The following CACNA1D variants were observed in gnomAD, a reference collection of about 807,000 sequenced individuals.
CACNA1D encodes calcium voltage-gated channel subunit alpha1 D.
Under a neutral mutation model 257.1 loss-of-function variants are expected in CACNA1D, and 55 were observed. The observed-to-expected ratio is 0.21, with a 90% confidence interval of 0.17 to 0.27. The LOEUF (loss-of-function observed/expected upper bound fraction) is 0.27, where lower values mean the gene tolerates loss of function less well. Among genes scored for constraint, CACNA1D ranks in the 10% least tolerant of loss-of-function variants. The pLI is 1.00. For missense variants in CACNA1D, 1,876 were observed against 2,784.0 expected (o/e 0.67, Z 7.34); for synonymous variants, 980 against 1,014.9 (o/e 0.97, Z 0.65).
intron 3 of CACNA1D, among the ~76,000 whole-genome samples, chr3:53,649,573 G>T (rs1298326410): frequency 6.6e-6 from 1 of 152,058 alleles, no homozygotes. Flanking sequence ...CCATAGTGGG[G>T]ACATTTTTCT....
chr3:53,684,579 C>T (rs964407768), intron 8 of CACNA1D, among the ~76,000 whole-genome samples: 3 of 143,498 alleles, frequency 2.1e-5, no homozygotes, highest in African/African-American at 5.3e-5. Flanking sequence ...GCTGAGGTCA[C>T]GCCACTGCAC....
intron 29 of CACNA1D, among the ~76,000 whole-genome samples, chr3:53,756,160 GAC>G (rs1437924113): frequency 6.6e-6 from 1 of 152,192 alleles, no homozygotes; most frequent in Non-Finnish European, 1.5e-5. Context: ...AGTGAGGTAA[GAC>G]AAAATTCTTA....
intron 5 of CACNA1D, among the ~76,000 whole-genome samples, chr3:53,663,377 A>G (rs1188359097): frequency 6.6e-6 from 1 of 152,194 alleles, no homozygotes; most frequent in Non-Finnish European, 1.5e-5. Context: ...GGAGAAGGTA[A>G]GAAGGAAAAG....
intron 3 of CACNA1D, among the ~76,000 whole-genome samples, chr3:53,605,709 C>T (rs568324067): frequency 2.0e-5 from 3 of 152,298 alleles, no homozygotes; most frequent in African/African-American, 4.8e-5. Context: ...AGAACTTTTA[C>T]GAATGTCCTG....
At chr3:53,746,680 C>G (rs969333497) in intron 25 of CACNA1D, among the ~76,000 whole-genome samples, 1 of 152,188 alleles carries the variant, frequency 6.6e-6, no homozygotes, top group Admixed American at 6.5e-5. Context: ...CATGGCGTCC[C>G]TGGAGGTGAG....
At chr3:53,657,797 G>T (rs1028160395) in intron 4 of CACNA1D, among the ~76,000 whole-genome samples, 4 of 152,138 alleles carry the variant, frequency 2.6e-5, no homozygotes, top group African/African-American at 9.7e-5. Context: ...TTCCAACAGT[G>T]ACCTATTGCT....
intron 14 of CACNA1D, among the ~76,000 whole-genome samples, 173 bp downstream of exon 14, chr3:53,724,172 C>G (rs1351187908): frequency 6.6e-6 from 1 of 152,176 alleles, no homozygotes; most frequent in Non-Finnish European, 1.5e-5. Flanking sequence ...CTGCATCATC[C>G]TCCAGCTGTC....
At chr3:53,639,613 C>T (rs1372116303) in intron 3 of CACNA1D, among the ~76,000 whole-genome samples, 1 of 152,120 alleles carries the variant, frequency 6.6e-6, no homozygotes, top group Non-Finnish European at 1.5e-5. Flanking sequence ...GCCTCCATCT[C>T]CTGACCTCAT....
intron 3 of CACNA1D, among the ~76,000 whole-genome samples, chr3:53,502,971 C>T (rs934101711): frequency 3.3e-5 from 5 of 152,086 alleles, no homozygotes; most frequent in Non-Finnish European, 7.4e-5. Context: ...CCTAACTGAG[C>T]GAGCGTTGTA....
At chr3:53,783,665 C>T (rs1163572692) in intron 39 of CACNA1D, among the ~76,000 whole-genome samples, 1 of 152,246 alleles carries the variant, frequency 6.6e-6, no homozygotes, top group African/African-American at 2.4e-5. Flanking sequence ...GTTCCGAAGG[C>T]AGTGGCCATC....
At chr3:53,791,020 C>T (rs1238365557) in intron 40 of CACNA1D, 3 of 702,096 alleles carry the variant, frequency 4.3e-6, no homozygotes, top group African/African-American at 1.7e-5. Context: ...GCCTGAGCTA[C>T]GGCACCAAGC....
intron 29 of CACNA1D, 97 bp downstream of exon 29, chr3:53,753,779 T>G: frequency 1.3e-6 from 1 of 780,378 alleles, no homozygotes; most frequent in Non-Finnish European, 2.3e-6. Context: ...TATGCTAAAG[T>G]GTTCTGGCCG....
intron 1 of CACNA1D, among the ~76,000 whole-genome samples, chr3:53,496,911 A>T (rs962731599): frequency 6.6e-6 from 1 of 152,178 alleles, no homozygotes; most frequent in African/African-American, 2.4e-5. Flanking sequence ...TACTAACCCC[A>T]CTGGGTGTGA....
chr3:53,806,486 G>T (rs2095566903), intron 45 of CACNA1D, among the ~76,000 whole-genome samples: 1 of 152,218 alleles, frequency 6.6e-6, no homozygotes, highest in East Asian at 1.9e-4. Flanking sequence ...GGGGGAAGAG[G>T]TGCAGCCCTG....
At chr3:53,707,041 G>T (rs981967010) in intron 9 of CACNA1D, among the ~76,000 whole-genome samples, 1 of 152,092 alleles carries the variant, frequency 6.6e-6, no homozygotes, top group Non-Finnish European at 1.5e-5. Flanking sequence ...TCACTTTCGA[G>T]ATAGGGCAGC....
intron 3 of CACNA1D, among the ~76,000 whole-genome samples, chr3:53,538,067 T>C (rs1261751195): frequency 6.6e-6 from 1 of 151,986 alleles, no homozygotes; most frequent in Non-Finnish European, 1.5e-5. Flanking sequence ...TGCTGGATAC[T>C]CTTAGTTCTA....
At chr3:53,609,926 G>GT (rs1261869754) in intron 3 of CACNA1D, among the ~76,000 whole-genome samples, 2 of 152,062 alleles carry the variant, frequency 1.3e-5, no homozygotes, top group Admixed American at 1.3e-4. Context: ...CCTATGCTCA[G>GT]TTTTTTTGGT....
chr3:53,660,347 G>T, intron 5 of CACNA1D, 72 bp downstream of exon 5: 1 of 1,455,512 alleles, frequency 6.9e-7, no homozygotes, highest in South Asian at 1.1e-5. Context: ...AGAATCACTG[G>T]TGCTTTGAGG....
At chr3:53,805,857 T>A in intron 45 of CACNA1D, among the ~76,000 whole-genome samples, 1 of 121,460 alleles carries the variant, frequency 8.2e-6, no homozygotes, top group Non-Finnish European at 1.7e-5. Flanking sequence ...TTCCTCCTCC[T>A]CCCTCATCTT....
Sources: allele counts gnomAD v4.1 joint callset (sites outside exome capture counted in the v4.1 genomes callset), GRCh38; gene constraint gnomAD v4.1.1; transcripts MANE v1.5; gene names NCBI Gene and HGNC (gene_info 2026-07-23, HGNC 2026-07-21).